Variants in DIP2C observed in about 807,000 individuals in gnomAD.
DIP2C encodes the protein disco-interacting protein 2 homolog C.
In DIP2C, 33 loss-of-function variants were observed where a neutral mutation model predicts 192.4. The observed-to-expected ratio is 0.17, with a 90% CI of 0.13 to 0.23. The LOEUF is 0.23. Among genes scored for constraint, DIP2C ranks in the 10% least tolerant of loss-of-function variants. The pLI is 1.00. For missense variants in DIP2C, 1,537 were observed against 2,110.1 expected, an observed-to-expected ratio of 0.73 and a Z score of 5.32; for synonymous variants, 979 against 864.1, an observed-to-expected ratio of 1.13 and a Z score of -2.33.
chr10:380,965 A>G (rs1240307455), intron 17 of DIP2C, among the ~76,000 whole-genome samples: 1 of 152,204 alleles, frequency 6.6e-6, no homozygotes, highest in Non-Finnish European at 1.5e-5. Flanking sequence ...GCACAGAGGG[A>G]AGTTTCCCTT....
chr10:510,571 C>T (rs1168812481), intron 1 of DIP2C, among the ~76,000 whole-genome samples: 2 of 152,240 alleles, frequency 1.3e-5, no homozygotes, highest in East Asian at 3.8e-4. Context: ...GAAATTACTG[C>T]AGGGTCAGAG....
At chr10:319,525 A>G (rs972362074) in intron 31 of DIP2C, among the ~76,000 whole-genome samples, 5 of 152,210 alleles carry the variant, frequency 3.3e-5, no homozygotes, top group South Asian at 2.1e-4. Flanking sequence ...ACAGTGAACA[A>G]TATCTCTAAA....
intron 1 of DIP2C, among the ~76,000 whole-genome samples, chr10:618,048 T>C (rs1391605500): frequency 6.6e-6 from 1 of 152,190 alleles, no homozygotes; most frequent in East Asian, 1.9e-4. Context: ...TGATTGTGTG[T>C]TTAAAATTCC....
intron 8 of DIP2C, among the ~76,000 whole-genome samples, chr10:411,484 G>A (rs745681958): frequency 6.6e-6 from 1 of 152,158 alleles, no homozygotes; most frequent in South Asian, 2.1e-4. Context: ...AAGTTTATCC[G>A]CTGGGAATTC....
chr10:369,913 C>A (rs1376030649), intron 17 of DIP2C: 41 of 1,325,102 alleles, frequency 3.1e-5, no homozygotes, highest in Non-Finnish European at 3.9e-5. Context: ...CTATGCAGGC[C>A]CTGCACAGAC....
At position 629,334 on chromosome 10, in the gene DIP2C, G is replaced by A. The variant is rs567112075; in HGVS notation, c.85+60160C>T. Among the ~76,000 whole-genome samples the A allele has an allele frequency of 2.2e-4, 33 of 152,088 alleles. 1 individual carries two copies. The highest frequency in any genetic ancestry group is 3.3e-4 in the Admixed American group (5 of 15,282). ...CCAAGATCCGGGCCAACTCCAAAGCGGGCGATCTTGACCCCTCACCCGTGG... is the reference window on the plus strand; with the variant it reads ...CCAAGATCCGGGCCAACTCCAAAGCAGGCGATCTTGACCCCTCACCCGTGG... On this transcript the variant is annotated intron_variant, in intron 1 of 36. Transcript: ENST00000280886.
chr10:344,395 G>A (rs1316252916), intron 28 of DIP2C, among the ~76,000 whole-genome samples: 3 of 119,756 alleles, frequency 2.5e-5, no homozygotes, highest in East Asian at 2.4e-4. Context: ...GGGCGGGGGC[G>A]GGGCGGGGGG....
rs140967403 is a variant in DIP2C at position 543,108 on chromosome 10, T to G, written c.86-56578A>C. On this transcript the variant is annotated intron_variant, in intron 1 of 36. Transcript: ENST00000280886. Reference sequence around the variant, plus strand: ...ATGCGGCTCTGGCAGCTTTGGTAACTCGCTGCACAGATACAACTGGACAGC... The same window carrying G: ...ATGCGGCTCTGGCAGCTTTGGTAACGCGCTGCACAGATACAACTGGACAGC... Among the ~76,000 whole-genome samples the G allele has an allele frequency of 2.9e-3, 435 of 152,358 alleles. 4 individuals are homozygous for G. Among genetic ancestry groups the G allele is most frequent in the African/African-American group, 9.0e-3 (374 of 41,594 alleles).
chr10:300,632 C>T (rs1223999446), intron 32 of DIP2C, among the ~76,000 whole-genome samples: 2 of 151,458 alleles, frequency 1.3e-5, no homozygotes, highest in Non-Finnish European at 2.9e-5. Context: ...CCAGGCGCGG[C>T]CCTGAGCGTG....
chr10:431,282 G>A (rs1966853155), intron 4 of DIP2C, among the ~76,000 whole-genome samples: 1 of 152,274 alleles, frequency 6.6e-6, no homozygotes, highest in African/African-American at 2.4e-5. Flanking sequence ...GCATTGGAAG[G>A]AAAACATCTT....
intron 1 of DIP2C, among the ~76,000 whole-genome samples, chr10:576,508 G>A (rs563902085): frequency 6.6e-6 from 1 of 152,330 alleles, no homozygotes; most frequent in Admixed American, 6.5e-5. Context: ...GCTGCCATGA[G>A]CGCTAAATTA....
At chr10:541,426 T>TC (rs1223488440) in intron 1 of DIP2C, among the ~76,000 whole-genome samples, 1 of 150,746 alleles carries the variant, frequency 6.6e-6, no homozygotes, top group African/African-American at 2.5e-5. Context: ...ATCGTGACCC[T>TC]CCACCCGACC....
chr10:553,200 C>T (rs533477024), intron 1 of DIP2C, among the ~76,000 whole-genome samples: 2 of 152,362 alleles, frequency 1.3e-5, no homozygotes, highest in East Asian at 1.9e-4. Flanking sequence ...TCCTGCCCCT[C>T]TTCTCCCTCG....
At chr10:439,943 T>C (rs1320412364) in intron 4 of DIP2C, among the ~76,000 whole-genome samples, 3 of 152,176 alleles carry the variant, frequency 2.0e-5, no homozygotes, top group Non-Finnish European at 4.4e-5. Context: ...AAGTGGGATG[T>C]AAGGTGATTT....
At chr10:560,831 AC>A (rs1024152913) in intron 1 of DIP2C, among the ~76,000 whole-genome samples, 2 of 151,904 alleles carry the variant, frequency 1.3e-5, no homozygotes, top group African/African-American at 4.8e-5. Context: ...TTGCCTTATC[AC>A]CCCGCCTCCC....
intron 1 of DIP2C, among the ~76,000 whole-genome samples, chr10:572,272 A>AT (rs1239476637): frequency 6.6e-6 from 1 of 152,224 alleles, no homozygotes; most frequent in African/African-American, 2.4e-5. Context: ...CATCTCACTC[A>AT]TACTTGCTAA....
intron 2 of DIP2C, among the ~76,000 whole-genome samples, chr10:482,393 G>A (rs1315695557): frequency 6.6e-6 from 1 of 152,176 alleles, no homozygotes; most frequent in Non-Finnish European, 1.5e-5. Flanking sequence ...ACCCCATGAT[G>A]GAAAAAGTGT....
In DIP2C at chr10:565,644, C is replaced by T. The variant is rs373626526; in HGVS notation, c.86-79114G>A. ...TAAGGATGTAAAATGGTGTGTTTCC[C>T]GTTTGCTACATGTAAGCTTCATTTT... On this transcript the variant is annotated intron_variant, in intron 1 of 36. Transcript: ENST00000280886. 6.6e-5 allele frequency among the ~76,000 whole-genome samples: 10 copies of T among 152,296 alleles called. No homozygotes were observed. The South Asian group carries it at 1.0e-3, about 16-fold the overall frequency.
At position 460,328 on chromosome 10, in the gene DIP2C, A is replaced by G. The variant is rs867620932; in HGVS notation, c.268+12111T>C. Among the ~76,000 whole-genome samples, 4 of 152,204 alleles carry G rather than the reference A, an allele frequency of 2.6e-5. No individual in the cohort carries two copies. The South Asian group carries it at 6.2e-4, about 24-fold the overall frequency. ...AATGAAGTGCTTAAAATCGACTCCAATACATTCTAGGTGCTCAATAAATGC... is the reference window on the plus strand; with the variant it reads ...AATGAAGTGCTTAAAATCGACTCCAGTACATTCTAGGTGCTCAATAAATGC... On this transcript the variant is annotated intron_variant, in intron 3 of 36. Transcript: ENST00000280886.
Sources: allele counts gnomAD v4.1 joint callset (sites outside exome capture counted in the v4.1 genomes callset), GRCh38; gene constraint gnomAD v4.1.1; transcripts MANE v1.5; gene names NCBI Gene and HGNC (gene_info 2026-07-23, HGNC 2026-07-21).